Variants in ST6GALNAC3 observed in about 807,000 individuals in gnomAD.
ST6GALNAC3 encodes ST6 N-acetylgalactosaminide alpha-2,6-sialyltransferase 3.
ST6GALNAC3 carries 25 observed loss-of-function variants against 32.7 expected under a neutral mutation model. That is an observed-to-expected ratio of 0.76 (90% CI 0.56 to 1.07). ST6GALNAC3 has a LOEUF of 1.07. ST6GALNAC3 is among the 50% of genes least tolerant of loss of function. The probability of loss-of-function intolerance (pLI) is 0.00; values close to 1 mark genes in which losing one functional copy is unlikely to be tolerated. For missense variants in ST6GALNAC3, 355 were observed against 382.4 expected, an observed-to-expected ratio of 0.93 and a Z score of 0.60; for synonymous variants, 129 against 133.1, an observed-to-expected ratio of 0.97 and a Z score of 0.21.
intron 2 of ST6GALNAC3, among the ~76,000 whole-genome samples, chr1:76,326,967 C>T (rs751992358): frequency 6.6e-6 from 1 of 151,566 alleles, no homozygotes. Context: ...TTTTTAAAGA[C>T]AGTACTTCTA....
At chr1:76,256,048 GA>G (rs1165521035) in intron 1 of ST6GALNAC3, among the ~76,000 whole-genome samples, 1 of 101,040 alleles carries the variant, frequency 9.9e-6, no homozygotes, top group Non-Finnish European at 2.0e-5. Context: ...ACACAATTAG[GA>G]AAAGCTACAA....
chr1:76,494,432 T>A (rs1157893960), intron 3 of ST6GALNAC3, among the ~76,000 whole-genome samples: 1 of 17,450 alleles, frequency 5.7e-5, no homozygotes, highest in Non-Finnish European at 1.2e-4. Flanking sequence ...TGCATGTGTA[T>A]ATATATATAT....
intron 3 of ST6GALNAC3, among the ~76,000 whole-genome samples, chr1:76,501,306 C>A (rs1055488440): frequency 6.6e-6 from 1 of 152,164 alleles, no homozygotes; most frequent in Admixed American, 6.5e-5. Flanking sequence ...TCACCAAAGC[C>A]CTGGTCACAC....
At chr1:76,290,846 G>T (rs6694998) in intron 1 of ST6GALNAC3, among the ~76,000 whole-genome samples, 47,698 of 152,082 alleles carry the variant, frequency 0.31, 8,566 homozygotes, top group Non-Finnish European at 0.41. Context: ...AAGGAAGGCA[G>T]CTTTCAGGAG....
At chr1:76,427,100 G>C (rs981964831) in intron 3 of ST6GALNAC3, among the ~76,000 whole-genome samples, 11 of 152,054 alleles carry the variant, frequency 7.2e-5, no homozygotes, top group Non-Finnish European at 1.5e-4. Flanking sequence ...TCTCCTTAGT[G>C]GTACAGAGAT....
At chr1:76,552,269 G>A (rs1664682673) in intron 3 of ST6GALNAC3, among the ~76,000 whole-genome samples, 1 of 152,130 alleles carries the variant, frequency 6.6e-6, no homozygotes, top group Non-Finnish European at 1.5e-5. Flanking sequence ...AGTCTGTGGT[G>A]GGAATGTGGA....
chr1:76,400,788 G>A (rs987218069), intron 2 of ST6GALNAC3, among the ~76,000 whole-genome samples: 15 of 151,872 alleles, frequency 9.9e-5, no homozygotes, highest in Admixed American at 3.9e-4. Flanking sequence ...TCAGCTACTC[G>A]GGAGGCTGAG....
intron 3 of ST6GALNAC3, among the ~76,000 whole-genome samples, chr1:76,502,011 C>T (rs1451473709): frequency 6.6e-6 from 1 of 152,204 alleles, no homozygotes; most frequent in Non-Finnish European, 1.5e-5. Context: ...CCACAATCCA[C>T]TTTCAAAGCC....
intron 3 of ST6GALNAC3, among the ~76,000 whole-genome samples, chr1:76,467,281 T>C (rs1464682251): frequency 6.6e-6 from 1 of 151,980 alleles, no homozygotes; most frequent in Non-Finnish European, 1.5e-5. Flanking sequence ...CTTGTGGCCA[T>C]GAACCGTGAA....
At chr1:76,156,707 C>G (rs768738983) in intron 1 of ST6GALNAC3, among the ~76,000 whole-genome samples, 5 of 152,112 alleles carry the variant, frequency 3.3e-5, no homozygotes, top group African/African-American at 4.8e-5. Flanking sequence ...CTGCCCTAGT[C>G]CTTGAATCAG....
At chr1:76,377,136 C>G (rs548155204) in intron 2 of ST6GALNAC3, among the ~76,000 whole-genome samples, 3 of 151,984 alleles carry the variant, frequency 2.0e-5, no homozygotes, top group Non-Finnish European at 2.9e-5. Flanking sequence ...GAAGTGAAAA[C>G]CAAAGCACTT....
At chr1:76,624,294 G>T (rs547115674) in intron 3 of ST6GALNAC3, among the ~76,000 whole-genome samples, 20 of 152,046 alleles carry the variant, frequency 1.3e-4, no homozygotes, top group African/African-American at 4.6e-4. Flanking sequence ...CTTATTAGGT[G>T]GTAAGATGGC....
intron 1 of ST6GALNAC3, among the ~76,000 whole-genome samples, chr1:76,121,391 C>T (rs1648861240): frequency 6.6e-6 from 1 of 152,154 alleles, no homozygotes; most frequent in Non-Finnish European, 1.5e-5. Context: ...CTTGCCTCCC[C>T]ACTGTCTGTT....
At chr1:76,205,223 G>A (rs1368826953) in intron 1 of ST6GALNAC3, among the ~76,000 whole-genome samples, 1 of 152,138 alleles carries the variant, frequency 6.6e-6, no homozygotes, top group South Asian at 2.1e-4. Flanking sequence ...TTGTATCAGT[G>A]TTTCAGTGAT....
chr1:76,188,491 G>A (rs925862944), intron 1 of ST6GALNAC3, among the ~76,000 whole-genome samples: 1 of 152,142 alleles, frequency 6.6e-6, no homozygotes, highest in Non-Finnish European at 1.5e-5. Context: ...TTGTATATGC[G>A]AAATTGATCT....
At chr1:76,182,526 C>T (rs1400382660) in intron 1 of ST6GALNAC3, among the ~76,000 whole-genome samples, 1 of 152,096 alleles carries the variant, frequency 6.6e-6, no homozygotes, top group Admixed American at 6.5e-5. Context: ...CACTATTGCA[C>T]TTGTGTGTGT....
intron 3 of ST6GALNAC3, among the ~76,000 whole-genome samples, chr1:76,480,274 G>C (rs1659637864): frequency 6.6e-6 from 1 of 152,092 alleles, no homozygotes; most frequent in African/African-American, 2.4e-5. Context: ...AGATAAATTA[G>C]AATCTCCAGT....
intron 1 of ST6GALNAC3, among the ~76,000 whole-genome samples, chr1:76,170,883 A>G (rs1652445343): frequency 6.6e-6 from 1 of 152,214 alleles, no homozygotes; most frequent in African/African-American, 2.4e-5. Flanking sequence ...AGGAGTGAAT[A>G]ATATGAGTTT....
intron 3 of ST6GALNAC3, among the ~76,000 whole-genome samples, chr1:76,569,233 A>G (rs909798158): frequency 2.6e-5 from 4 of 152,204 alleles, no homozygotes; most frequent in African/African-American, 9.6e-5. Context: ...TCTATTTTCT[A>G]ATTACGTTTT....
Sources: allele counts gnomAD v4.1 joint callset (sites outside exome capture counted in the v4.1 genomes callset), GRCh38; gene constraint gnomAD v4.1.1; transcripts MANE v1.5; gene names NCBI Gene and HGNC (gene_info 2026-07-23, HGNC 2026-07-21).